Variants in OCA2 observed in about 807,000 individuals in gnomAD.
OCA2 encodes the protein P protein.
A neutral mutation model predicts 100.2 loss-of-function variants in OCA2; 77 were observed. That is an observed-to-expected ratio of 0.77 (90% confidence interval 0.64 to 0.93). The LOEUF (loss-of-function observed/expected upper bound fraction) is 0.93, where lower values mean the gene tolerates loss of function less well. Among genes scored for constraint, OCA2 ranks in the 40% least tolerant of loss-of-function variants. The pLI, the probability that OCA2 is intolerant of heterozygous loss-of-function variation, is 0.00. For missense variants in OCA2, 1,062 were observed against 1,089.1 expected (o/e 0.98, Z 0.35); for synonymous variants, 432 against 439.2 (o/e 0.98, Z 0.21).
At chr15:28,005,888 G>A (rs1457409279) in intron 9 of OCA2, among the ~76,000 whole-genome samples, 1 of 152,206 alleles carries the variant, frequency 6.6e-6, no homozygotes, top group African/African-American at 2.4e-5. Context: ...CATGGTAGGA[G>A]CATGACAGAC....
intron 2 of OCA2, among the ~76,000 whole-genome samples, chr15:28,074,673 C>CAAAA (rs1172821817): frequency 6.0e-5 from 4 of 66,926 alleles, no homozygotes; most frequent in African/African-American, 4.2e-5. Flanking sequence ...GACTCCGTCT[C>CAAAA]AAAAAAAAAA....
rs74808704 is a variant in OCA2, at chr15:27,783,881, G to A, written c.2433-28409C>T. Reference sequence around the variant, plus strand: ...ATCACTGTCCAGGACGTCCTTATGGGAGGACAGCAAGCACTCTACACCCAG... The same window carrying A: ...ATCACTGTCCAGGACGTCCTTATGGAAGGACAGCAAGCACTCTACACCCAG... On this transcript the variant is annotated intron_variant, in intron 23 of 23. Transcript: ENST00000354638. Among the ~76,000 whole-genome samples the A allele has an allele frequency of 1.1e-3, 168 of 152,316 alleles. 1 individual carries two copies. The East Asian group carries it at 0.029, about 26-fold the overall frequency.
chr15:28,059,945 A>T (rs1269040735), intron 2 of OCA2, among the ~76,000 whole-genome samples: 1 of 152,212 alleles, frequency 6.6e-6, no homozygotes, highest in Non-Finnish European at 1.5e-5. Context: ...TCAGACTCCC[A>T]ATCAGGATTT....
intron 2 of OCA2, among the ~76,000 whole-genome samples, chr15:28,046,527 C>T (rs994337892): frequency 3.3e-5 from 5 of 152,132 alleles, no homozygotes; most frequent in Non-Finnish European, 5.9e-5. Context: ...GAGCCCCAGT[C>T]GCATCATGCT....
chr15:27,870,834 G>A (rs1301803531), intron 21 of OCA2, among the ~76,000 whole-genome samples: 32 of 151,918 alleles, frequency 2.1e-4, no homozygotes, highest in Admixed American at 1.0e-3. Flanking sequence ...GAAAGAAAGA[G>A]AAAGAAAGAG....
At chr15:28,020,830 G>GCA (rs2042570731) in intron 6 of OCA2, among the ~76,000 whole-genome samples, 1 of 152,198 alleles carries the variant, frequency 6.6e-6, no homozygotes, top group Non-Finnish European at 1.5e-5. Context: ...GCAGAGGGAA[G>GCA]CACAAACTGT....
chr15:27,763,479 C>A (rs2031001223), intron 23 of OCA2, among the ~76,000 whole-genome samples: 2 of 152,140 alleles, frequency 1.3e-5, no homozygotes, highest in Non-Finnish European at 1.5e-5. Context: ...AGAAAACGAA[C>A]AAAAGACATG....
At chr15:27,723,230 C>A in the OCA2 span, among the ~76,000 whole-genome samples, 1 of 152,150 alleles carries the variant, frequency 6.6e-6, no homozygotes, top group Non-Finnish European at 1.5e-5. Context: ...TCTGCCCCCC[C>A]ACTTCAAAGA....
intron 19 of OCA2, among the ~76,000 whole-genome samples, chr15:27,917,105 T>G (rs2038694007): frequency 6.6e-6 from 1 of 152,156 alleles, no homozygotes; most frequent in African/African-American, 2.4e-5. Flanking sequence ...CTAGGACCTC[T>G]GTATACAAAC....
At chr15:28,079,977 G>A (rs568436385) in intron 2 of OCA2, among the ~76,000 whole-genome samples, 3 of 152,278 alleles carry the variant, frequency 2.0e-5, no homozygotes, top group South Asian at 2.1e-4. Context: ...ACCATACATC[G>A]AAGCAAGAAG....
intron 16 of OCA2, among the ~76,000 whole-genome samples, chr15:27,955,792 G>C (rs2040203790): frequency 6.6e-6 from 1 of 152,112 alleles, no homozygotes; most frequent in Non-Finnish European, 1.5e-5. Flanking sequence ...TTCTGTCCAT[G>C]CTGCTCCTGC....
intron 19 of OCA2, among the ~76,000 whole-genome samples, chr15:27,885,269 G>A (rs1257726096): frequency 1.3e-5 from 2 of 152,172 alleles, no homozygotes; most frequent in African/African-American, 2.4e-5. Context: ...CTATAAATTA[G>A]AGCCTTTATC....
intron 19 of OCA2, among the ~76,000 whole-genome samples, chr15:27,889,089 T>C (rs1222117589): frequency 1.3e-5 from 2 of 152,152 alleles, no homozygotes; most frequent in African/African-American, 2.4e-5. Context: ...GAGCCACACA[T>C]GAAGAGAAGT....
intron 23 of OCA2, among the ~76,000 whole-genome samples, chr15:27,766,673 T>G (rs2031286979): frequency 6.6e-6 from 1 of 152,316 alleles, no homozygotes; most frequent in South Asian, 2.1e-4. Flanking sequence ...GGCTAGGTCC[T>G]CACCACTCAC....
downstream of OCA2, among the ~76,000 whole-genome samples, chr15:27,751,450 G>T (rs966807946): frequency 5.9e-5 from 9 of 152,154 alleles, no homozygotes; most frequent in East Asian, 5.8e-4. Flanking sequence ...ACCCTACAAA[G>T]TGAGAAAAAG....
At chr15:27,842,851 T>C (rs2035391791) in intron 23 of OCA2, among the ~76,000 whole-genome samples, 1 of 152,136 alleles carries the variant, frequency 6.6e-6, no homozygotes, top group African/African-American at 2.4e-5. Context: ...CATAGGTGTG[T>C]CACACACTGC....
intron 17 of OCA2, among the ~76,000 whole-genome samples, chr15:27,952,975 G>T (rs1051735181): frequency 6.6e-6 from 1 of 152,108 alleles, no homozygotes; most frequent in African/African-American, 2.4e-5. Context: ...GAGCCACCAC[G>T]CCTGGCAAGC....
intron 2 of OCA2, among the ~76,000 whole-genome samples, chr15:28,055,477 G>C (rs2043662214): frequency 6.6e-6 from 1 of 152,280 alleles, no homozygotes; most frequent in East Asian, 1.9e-4. Context: ...CGAGGGCTTT[G>C]GGCAGAGTTG....
intron 23 of OCA2, among the ~76,000 whole-genome samples, chr15:27,757,601 C>T (rs2030488376): frequency 6.6e-6 from 1 of 152,248 alleles, no homozygotes; most frequent in Admixed American, 6.5e-5. Flanking sequence ...TCAATTCCTG[C>T]TCTTGCCCAG....
Sources: gnomAD v4.1 joint callset for allele counts (sites outside exome capture counted in the v4.1 genomes callset) on GRCh38, gnomAD v4.1.1 for gene constraint, MANE v1.5 for transcripts, NCBI Gene and HGNC (gene_info 2026-07-23, HGNC 2026-07-21) for gene names.